The following SHQ1 variants were observed in gnomAD, a reference collection of about 807,000 sequenced individuals.
SHQ1 encodes SHQ1, H/ACA ribonucleoprotein assembly factor.
In SHQ1, 49 loss-of-function variants were observed where a neutral mutation model predicts 53.8. The observed-to-expected ratio is 0.91, with a 90% confidence interval of 0.72 to 1.16. The LOEUF is 1.16. Among genes scored for constraint, SHQ1 ranks in the 50% most tolerant of loss-of-function variants. SHQ1 has a pLI of 0.00. For missense variants in SHQ1, 738 were observed against 683.1 expected (o/e 1.08, Z -0.90); for synonymous variants, 243 against 251.0 (o/e 0.97, Z 0.30).
rs114179849 is a variant in SHQ1, at chr3:72,761,897, T to C, written c.1182-11061A>G. ...GTTCACAATTATATAGAGAGTCATT[T>C]ACTTTAATCGTCAAACGATAAACAG... On this transcript the variant is annotated intron_variant, in intron 10 of 10. Transcript: ENST00000325599. 4.9e-3 allele frequency among the ~76,000 whole-genome samples: 744 copies of C among 152,358 alleles called. 5 individuals carry two copies. Among genetic ancestry groups the C allele is most frequent in the African/African-American group, 0.017 (698 of 41,578 alleles).
chr3:72,822,666 G>A (rs910675976), intron 6 of SHQ1, among the ~76,000 whole-genome samples: 1 of 152,174 alleles, frequency 6.6e-6, no homozygotes, highest in Admixed American at 6.5e-5. Context: ...TGACACACTT[G>A]ATGATTTAAG....
chr3:72,737,350 A>T, the SHQ1 span, among the ~76,000 whole-genome samples: 1 of 152,124 alleles, frequency 6.6e-6, no homozygotes, highest in African/African-American at 2.4e-5. Flanking sequence ...ACGGAAGGGG[A>T]GAAGGAGAGG....
intron 4 of SHQ1, among the ~76,000 whole-genome samples, chr3:72,833,210 G>A (rs536210638): frequency 1.3e-5 from 2 of 152,280 alleles, no homozygotes; most frequent in South Asian, 4.1e-4. Context: ...GGGAGGCCAA[G>A]GCAGGCAGAC....
chr3:72,790,588 C>T (rs889560861), intron 10 of SHQ1, among the ~76,000 whole-genome samples: 1 of 152,110 alleles, frequency 6.6e-6, no homozygotes, highest in Non-Finnish European at 1.5e-5. Context: ...AATCATGGAT[C>T]TACACTGCAG....
intron 6 of SHQ1, among the ~76,000 whole-genome samples, chr3:72,821,162 C>A (rs1193567302): frequency 6.6e-6 from 1 of 152,182 alleles, no homozygotes; most frequent in Non-Finnish European, 1.5e-5. Flanking sequence ...AAATGGGTAG[C>A]CCTGCAGTGC....
chr3:72,763,869 GT>G (rs1705661718), intron 10 of SHQ1, among the ~76,000 whole-genome samples: 1 of 152,188 alleles, frequency 6.6e-6, no homozygotes, highest in Non-Finnish European at 1.5e-5. Context: ...ATAAAGGTCT[GT>G]GGTTTTAAGC....
At chr3:72,811,072 T>C (rs1348835936) in intron 9 of SHQ1, among the ~76,000 whole-genome samples, 1 of 152,236 alleles carries the variant, frequency 6.6e-6, no homozygotes, top group East Asian at 1.9e-4. Flanking sequence ...ATCGAATTTA[T>C]TTTTGGTTAT....
chr3:72,844,375 G>C lies in SHQ1; in HGVS notation c.192C>G (p.Ser64=). The C allele has an allele frequency of 1.9e-6, 3 of 1,613,678 alleles. No homozygotes were observed. The highest frequency in any genetic ancestry group is 2.2e-5 in the South Asian group (2 of 91,056). Reference sequence around the variant, plus strand: ...AGACAATACCTTTATCTGCATCATAGGACCCTTGCTCACTTCCATTTTCTA... The same window carrying C: ...AGACAATACCTTTATCTGCATCATACGACCCTTGCTCACTTCCATTTTCTA... The part of the protein sequence containing the change: ...RIVENGSEQG[S]YDADKGIFTI... Residue 64 remains serine, a synonymous_variant, in exon 2 of 11, where the codon TCC becomes TCG. Transcript: ENST00000325599.
chr3:72,751,476 ATGTGTGTGTGTGTG>A (rs372032784), intron 10 of SHQ1, among the ~76,000 whole-genome samples: 38 of 109,630 alleles, frequency 3.5e-4, no homozygotes, highest in Middle Eastern at 4.2e-3. Context: ...ATAAGCACAT[ATGTGTGTGTGTGTG>A]TGTGTGTGTG....
chr3:72,775,394 A>C (rs1705938446), intron 10 of SHQ1, among the ~76,000 whole-genome samples: 1 of 152,004 alleles, frequency 6.6e-6, no homozygotes, highest in African/African-American at 2.4e-5. Context: ...GAATAGTCCT[A>C]TAACAATTAG....
At chr3:72,743,626 T>C in the SHQ1 span, among the ~76,000 whole-genome samples, 1 of 152,234 alleles carries the variant, frequency 6.6e-6, no homozygotes, top group Non-Finnish European at 1.5e-5. Context: ...AGGTGGGGAT[T>C]ACTAGCTAGT....
At chr3:72,817,444 G>C in intron 6 of SHQ1, 60 bp from the exon 7 acceptor site, 5 of 1,462,428 alleles carry the variant, frequency 3.4e-6, no homozygotes, top group Non-Finnish European at 4.6e-6. Context: ...ACTCCCAATG[G>C]AAGATTTGTC....
chr3:72,770,878 T>C lies in SHQ1; in HGVS notation c.1182-20042A>G, dbSNP rs79405089. 6.1e-3 allele frequency among the ~76,000 whole-genome samples: 935 copies of C among 152,332 alleles called. 15 individuals carry two copies. The highest frequency in any genetic ancestry group is 0.021 in the African/African-American group (877 of 41,578). On this transcript the variant is annotated intron_variant, in intron 10 of 10. Coordinates refer to ENST00000325599, the MANE Select transcript of SHQ1 (RefSeq NM_018130.3). Reference sequence around the variant, plus strand: ...AGTAGGTGATCCCCAGAAGTTACTATGGATTCACAAACTGATGCCATCCCT... The same window carrying C: ...AGTAGGTGATCCCCAGAAGTTACTACGGATTCACAAACTGATGCCATCCCT...
intron 5 of SHQ1, among the ~76,000 whole-genome samples, chr3:72,826,952 T>C (rs1405867120): frequency 6.6e-6 from 1 of 152,190 alleles, no homozygotes. Context: ...TCACTCTTAT[T>C]GCAGCCTGGA....
Position 72,750,107 on chromosome 3 carries a change from A to AT in SHQ1, c.*176dup, listed in dbSNP as rs1241247133. On this transcript the variant is annotated 3_prime_UTR_variant, in exon 11 of 11. Transcript: ENST00000325599. ...TCTGTACATGTTTGGTACAGATGCG[A>AT]TTTTTTCTTCAATATTTTTGATCTG... The AT allele has an allele frequency of 1.5e-5, 9 of 608,478 alleles. No homozygotes were observed. The highest frequency in any genetic ancestry group is 1.4e-4 in the East Asian group (5 of 35,874). 37.7% of individuals were successfully genotyped at this position (608,478 alleles called of 1,614,324 possible).
the SHQ1 span, among the ~76,000 whole-genome samples, chr3:72,735,044 T>C: frequency 6.6e-6 from 1 of 151,682 alleles, no homozygotes; most frequent in African/African-American, 2.4e-5. Flanking sequence ...TAAGTGTTGG[T>C]GTTCTAGAAC....
chr3:72,815,204 T>A, intron 8 of SHQ1, 146 bp downstream of exon 8: 1 of 655,994 alleles, frequency 1.5e-6, no homozygotes, highest in South Asian at 2.1e-5. Context: ...CAGAATTTTA[T>A]TAAAAAGATG....
intron 6 of SHQ1, among the ~76,000 whole-genome samples, chr3:72,823,681 G>A (rs1410058406): frequency 6.6e-6 from 1 of 152,176 alleles, no homozygotes; most frequent in Non-Finnish European, 1.5e-5. Context: ...GTGAGTCTAT[G>A]TGTAGACATT....
intron 4 of SHQ1, among the ~76,000 whole-genome samples, chr3:72,836,445 C>G (rs1317161715): frequency 6.6e-6 from 1 of 151,812 alleles, no homozygotes; most frequent in Non-Finnish European, 1.5e-5. Flanking sequence ...GCTGAGATCA[C>G]GCCACTGCAC....
Sources: gnomAD v4.1 joint callset for allele counts (sites outside exome capture counted in the v4.1 genomes callset) on GRCh38, gnomAD v4.1.1 for gene constraint, MANE v1.5 for transcripts, NCBI Gene and HGNC (gene_info 2026-07-23, HGNC 2026-07-21) for gene names.